The following RP1 variants were observed in gnomAD, a reference collection of about 807,000 sequenced individuals.
RP1 encodes oxygen-regulated protein 1.
A neutral mutation model predicts 14.8 loss-of-function variants in RP1; 16 were observed. The ratio of observed to expected loss-of-function variants is 1.08; its 90% CI spans 0.73 to 1.65. RP1 has a LOEUF of 1.65. Ranked by LOEUF, RP1 falls within the 40% of genes most tolerant of loss-of-function variation. The pLI, the probability that RP1 is intolerant of heterozygous loss-of-function variation, is 0.00. For missense variants in RP1, 2,631 were observed against 2,535.0 expected (o/e 1.04, Z -0.81); for synonymous variants, 876 against 883.6 (o/e 0.99, Z 0.15).
In RP1 at chr8:54,626,222, A is replaced by G. The variant is rs931059265; in HGVS notation, c.2340A>G (p.Arg780=). ...GACTTTTAACCAAAAGAAAATCTAG[A>G]TCACTAAATAAAATAAGCTTAGGAG... The part of the protein sequence containing the change: ...VQGLLTKRKS[R]SLNKISLGAP... The change falls in exon 4 of 4, where the codon AGA becomes AGG. Residue 780 remains arginine (R), a synonymous_variant. Transcript: ENST00000220676. 4 of 1,610,882 alleles carry G rather than the reference A, an allele frequency of 2.5e-6. No homozygotes were observed. The highest frequency in any genetic ancestry group is 3.4e-6 in the Non-Finnish European group (4 of 1,179,050).
At position 54,811,017 on chromosome 8, in the gene RP1, T is replaced by G. The variant is rs1277002655; in HGVS notation, c.3616-26433T>G. 2.6e-5 allele frequency among the ~76,000 whole-genome samples: 4 copies of G among 152,188 alleles called. No homozygotes were observed. The East Asian group carries it at 7.7e-4, about 29-fold the overall frequency. ...TGAAGTATAGTTTCATATAGAGAAT[T>G]AAGAGATAGCAGAATAAACCCTTGT... On this transcript the variant is annotated intron_variant, in intron 24 of 28. Coordinates refer to the RP1 transcript ENST00000637698.
intron 6 of RP1, among the ~76,000 whole-genome samples, chr8:54,662,744 T>C (rs1029116324): frequency 2.6e-5 from 4 of 152,074 alleles, no homozygotes; most frequent in Non-Finnish European, 5.9e-5. Flanking sequence ...GGAGGAAAAA[T>C]GGTAAACTCA....
At chr8:54,752,995 TTTACACA>T (rs2129365880) in intron 19 of RP1, among the ~76,000 whole-genome samples, 1 of 152,344 alleles carries the variant, frequency 6.6e-6, no homozygotes, top group African/African-American at 2.4e-5. Flanking sequence ...TATATAAAGT[TTTACACA>T]TTACATATAA....
chr8:54,619,102 G>C (rs1805796566), intron 1 of RP1, among the ~76,000 whole-genome samples: 1 of 152,220 alleles, frequency 6.6e-6, no homozygotes, highest in Non-Finnish European at 1.5e-5. Context: ...ACTCCATTGC[G>C]AAGCTGGATT....
intron 24 of RP1, among the ~76,000 whole-genome samples, chr8:54,835,819 C>T (rs941533490): frequency 6.6e-6 from 1 of 152,072 alleles, no homozygotes; most frequent in African/African-American, 2.4e-5. Flanking sequence ...GTTATTTTGC[C>T]TTAGGGTGCA....
chr8:54,603,114 T>C (rs1015855388), intron 1 of RP1, among the ~76,000 whole-genome samples: 2 of 152,232 alleles, frequency 1.3e-5, no homozygotes, highest in Non-Finnish European at 2.9e-5. Context: ...TGCTTGCCCA[T>C]GCCTATGTCC....
intron 12 of RP1, among the ~76,000 whole-genome samples, chr8:54,692,304 T>C (rs1807734475): frequency 6.8e-6 from 1 of 147,702 alleles, no homozygotes; most frequent in Admixed American, 6.8e-5. Context: ...TATAGCAGCA[T>C]GATTTATAGT....
chr8:54,656,057 T>A (rs1169737267), intron 5 of RP1: 2 of 1,466,076 alleles, frequency 1.4e-6, no homozygotes, highest in South Asian at 1.3e-5. Flanking sequence ...CCTACATTTT[T>A]AAAAGTAATA....
chr8:54,782,468 G>A (rs1292977508), intron 23 of RP1, among the ~76,000 whole-genome samples: 1 of 152,120 alleles, frequency 6.6e-6, no homozygotes, highest in Non-Finnish European at 1.5e-5. Context: ...TTGGTGGGCA[G>A]AATAGTGGTG....
intron 3 of RP1, among the ~76,000 whole-genome samples, chr8:54,644,255 T>C (rs1806503688): frequency 6.6e-6 from 1 of 152,186 alleles, no homozygotes; most frequent in African/African-American, 2.4e-5. Context: ...GCAAATTTCA[T>C]TAGATTTCAA....
intron 19 of RP1, among the ~76,000 whole-genome samples, chr8:54,750,085 C>T (rs558405357): frequency 6.6e-6 from 1 of 152,216 alleles, no homozygotes; most frequent in South Asian, 2.1e-4. Flanking sequence ...TAGAATTTCT[C>T]ATTCTGGTAA....
At chr8:54,583,839 T>C (rs1346712374) in intron 1 of RP1, among the ~76,000 whole-genome samples, 4 of 152,230 alleles carry the variant, frequency 2.6e-5, no homozygotes, top group Non-Finnish European at 5.9e-5. Flanking sequence ...GTGGGATCGG[T>C]GGTGATATCC....
chr8:54,744,458 C>T (rs939151592), intron 19 of RP1, among the ~76,000 whole-genome samples: 2 of 152,176 alleles, frequency 1.3e-5, no homozygotes, highest in African/African-American at 4.8e-5. Context: ...CAATGAAAGG[C>T]AAAGTGTCTA....
intron 9 of RP1, chr8:54,678,608 G>A: frequency 7.9e-7 from 1 of 1,269,002 alleles, no homozygotes; most frequent in Non-Finnish European, 1.1e-6. Context: ...TGAGAACTGG[G>A]TAACTTATTT....
chr8:54,700,211 A>AT (rs397958968), intron 13 of RP1, among the ~76,000 whole-genome samples: 3,932 of 144,848 alleles, frequency 0.027, 61 homozygotes, highest in Middle Eastern at 0.046. Flanking sequence ...CTATACAATA[A>AT]TTTTTTTTTT....
intron 24 of RP1, among the ~76,000 whole-genome samples, chr8:54,820,423 G>A (rs950713884): frequency 1.3e-5 from 2 of 152,136 alleles, no homozygotes; most frequent in Non-Finnish European, 2.9e-5. Flanking sequence ...GACTGCTTTA[G>A]TCTGCTGGTG....
In RP1 at chr8:54,629,903, A is replaced by C; in HGVS notation, c.6021A>C (p.Gln2007His). Residue 2007 changes from glutamine (Q) to histidine (H), a missense_variant, in exon 4 of 4, where the codon CAA (glutamine) becomes CAC (histidine). Transcript: ENST00000220676. ...ACTTGATGGGTAAAAGAAGAAAACA[A>C]AAAAGAATTAACTTCTTGGGGTTAG... Reference protein sequence around the residue: ...TFDLMGKRRKQKRINFLGLEE... With the variant: ...TFDLMGKRRKHKRINFLGLEE... 1 of 1,613,946 alleles carries C rather than the reference A, an allele frequency of 6.2e-7. No individual in the cohort carries two copies. Among genetic ancestry groups the C allele is most frequent in the Non-Finnish European group, 8.5e-7 (1 of 1,179,926 alleles).
At chr8:54,601,967 T>A (rs1386602873) in intron 1 of RP1, among the ~76,000 whole-genome samples, 1 of 152,226 alleles carries the variant, frequency 6.6e-6, no homozygotes, top group African/African-American at 2.4e-5. Flanking sequence ...TCTTTCTTTC[T>A]GAGGTGTTCT....
At chr8:54,687,282 A>G (rs977295719) in intron 12 of RP1, among the ~76,000 whole-genome samples, 1 of 152,094 alleles carries the variant, frequency 6.6e-6, no homozygotes, top group Non-Finnish European at 1.5e-5. Flanking sequence ...GGCAGAGTGG[A>G]CATGCCTCTG....
Sources: allele counts gnomAD v4.1 joint callset (sites outside exome capture counted in the v4.1 genomes callset), GRCh38; gene constraint gnomAD v4.1.1; transcripts MANE v1.5; gene names NCBI Gene and HGNC (gene_info 2026-07-23, HGNC 2026-07-21).